SPMAP2L: variants seen among roughly 807,000 people sequenced by gnomAD.
SPMAP2L encodes sperm microtubule associated protein 2 like.
At chr4:56,562,894 T>C in the SPMAP2L span, among the ~76,000 whole-genome samples, 1 of 151,802 alleles carries the variant, frequency 6.6e-6, no homozygotes, top group Admixed American at 6.6e-5. Context: ...TTCTAAACTT[T>C]TTTTTAGGAA....
the SPMAP2L span, among the ~76,000 whole-genome samples, chr4:56,611,313 CTAT>C: frequency 6.6e-6 from 1 of 152,118 alleles, no homozygotes; most frequent in Non-Finnish European, 1.5e-5. Context: ...AGACTGGAGA[CTAT>C]TATTCTAAGA....
At chr4:56,578,483 C>T in the SPMAP2L span, among the ~76,000 whole-genome samples, 17,228 of 151,898 alleles carry the variant, frequency 0.11, 1,091 homozygotes, top group East Asian at 0.21. Flanking sequence ...TAAATATTAC[C>T]TTATCGGTAA....
chr4:56,623,653 T>C, the SPMAP2L span, among the ~76,000 whole-genome samples: 1 of 152,158 alleles, frequency 6.6e-6, no homozygotes, highest in Non-Finnish European at 1.5e-5. Flanking sequence ...TATGCTATTA[T>C]CATGATAGTC....
At chr4:56,626,042 G>A in the SPMAP2L span, among the ~76,000 whole-genome samples, 1 of 152,166 alleles carries the variant, frequency 6.6e-6, no homozygotes, top group African/African-American at 2.4e-5. Flanking sequence ...CATCACATAT[G>A]TGGTCACCTT....
the SPMAP2L span, among the ~76,000 whole-genome samples, chr4:56,608,853 G>C: frequency 1.3e-5 from 2 of 152,128 alleles, no homozygotes; most frequent in South Asian, 2.1e-4. Flanking sequence ...GCCCACCTGG[G>C]TGAACCTTAG....
At chr4:56,625,663 G>T in the SPMAP2L span, among the ~76,000 whole-genome samples, 1 of 152,108 alleles carries the variant, frequency 6.6e-6, no homozygotes, top group African/African-American at 2.4e-5. Context: ...TCCTCTTGCT[G>T]CTGCCATGTA....
the SPMAP2L span, among the ~76,000 whole-genome samples, chr4:56,547,864 C>T: frequency 1.4e-4 from 22 of 152,112 alleles, no homozygotes; most frequent in African/African-American, 4.1e-4. Flanking sequence ...AGCTTATAAA[C>T]GAGATTTTTC....
chr4:56,614,526 C>A, the SPMAP2L span, among the ~76,000 whole-genome samples: 1 of 152,168 alleles, frequency 6.6e-6, no homozygotes, highest in Non-Finnish European at 1.5e-5. Context: ...TGGTGGCACA[C>A]AACTGTAATC....
At chr4:56,616,832 G>A in the SPMAP2L span, among the ~76,000 whole-genome samples, 1 of 152,142 alleles carries the variant, frequency 6.6e-6, no homozygotes, top group Admixed American at 6.5e-5. Flanking sequence ...CAAGGTGTCT[G>A]TATTTTCCTG....
At chr4:56,554,996 A>G in the SPMAP2L span, among the ~76,000 whole-genome samples, 1 of 144,008 alleles carries the variant, frequency 6.9e-6, no homozygotes, top group African/African-American at 2.6e-5. Context: ...CTGGAGTGCA[A>G]TGGTGCAATC....
the SPMAP2L span, among the ~76,000 whole-genome samples, chr4:56,623,493 G>T: frequency 6.6e-6 from 1 of 152,178 alleles, no homozygotes; most frequent in African/African-American, 2.4e-5. Context: ...GAGAGAAAAA[G>T]AAAGAAATCC....
At chr4:56,537,726 T>C in the SPMAP2L span, among the ~76,000 whole-genome samples, 9 of 152,166 alleles carry the variant, frequency 5.9e-5, no homozygotes, top group Admixed American at 5.9e-4. Flanking sequence ...AGTCTCGCTC[T>C]GTCGCCCAGG....
chr4:56,601,184 G>A, the SPMAP2L span: 4 of 1,362,744 alleles, frequency 2.9e-6, no homozygotes, highest in East Asian at 2.5e-5. Flanking sequence ...GACCTAATAA[G>A]GCAAATGAAA....
the SPMAP2L span, among the ~76,000 whole-genome samples, chr4:56,564,308 CTTTGTATT>C: frequency 2.6e-5 from 4 of 151,740 alleles, no homozygotes; most frequent in South Asian, 6.2e-4. Flanking sequence ...CTAGCTAATT[CTTTGTATT>C]TTTAGTAGAG....
the SPMAP2L span, among the ~76,000 whole-genome samples, chr4:56,590,856 C>T: frequency 6.9e-3 from 1,045 of 152,048 alleles, 13 homozygotes; most frequent in African/African-American, 0.024. Context: ...GCTTTATTCA[C>T]GCTTTAAAAT....
At chr4:56,557,339 A>G in the SPMAP2L span, among the ~76,000 whole-genome samples, 7 of 152,142 alleles carry the variant, frequency 4.6e-5, no homozygotes, top group African/African-American at 1.7e-4. Context: ...AGAACCAGGA[A>G]AGAGAGAGTC....
At chr4:56,618,652 C>A in the SPMAP2L span, among the ~76,000 whole-genome samples, 1 of 152,174 alleles carries the variant, frequency 6.6e-6, no homozygotes. Context: ...GATTCAATTA[C>A]CTCCCACTTG....
chr4:56,530,990 G>A, the SPMAP2L span: 1 of 1,535,134 alleles, frequency 6.5e-7, no homozygotes, highest in Non-Finnish European at 8.7e-7. Flanking sequence ...GAACTCCATG[G>A]GCCCCATGCA....
the SPMAP2L span, among the ~76,000 whole-genome samples, chr4:56,563,339 T>C: frequency 0.95 from 143,622 of 150,736 alleles, 68,505 homozygotes; most frequent in Middle Eastern, 0.97. Context: ...TCTGACCTCA[T>C]GGGATCTGCC....
Sources: gnomAD v4.1 joint callset for allele counts (sites outside exome capture counted in the v4.1 genomes callset) on GRCh38, gnomAD v4.1.1 for gene constraint, MANE v1.5 for transcripts, NCBI Gene and HGNC (gene_info 2026-07-23, HGNC 2026-07-21) for gene names.